Variants in MAP7D2 observed in about 807,000 individuals in gnomAD.
The protein encoded by MAP7D2 is MAP7 domain containing 2, also known as MAP7 domain-containing protein 2.
Under a neutral mutation model 63.5 loss-of-function variants are expected in MAP7D2, and 33 were observed. The ratio of observed to expected loss-of-function variants is 0.52; its 90% confidence interval spans 0.39 to 0.70. The LOEUF (loss-of-function observed/expected upper bound fraction) is 0.70. Ranked by LOEUF, MAP7D2 falls within the 30% of genes least tolerant of loss-of-function variation. The pLI, the probability that MAP7D2 is intolerant of heterozygous loss-of-function variation, is 0.00. For synonymous variants in MAP7D2, 224 were observed against 223.7 expected, an observed-to-expected ratio of 1.00 and a Z score of -0.01; for missense variants, 626 against 604.0, an observed-to-expected ratio of 1.04 and a Z score of -0.38.
At chrX:20,038,096 A>G (rs1314201326) in intron 8 of MAP7D2, among the ~76,000 whole-genome samples, 1 of 111,759 alleles carries the variant, frequency 8.9e-6, no homozygotes, top group African/African-American at 3.3e-5. Context: ...CTCGATATGC[A>G]CCATTCCTCA....
At chrX:20,100,269 C>G (rs2066393769) in intron 1 of MAP7D2, among the ~76,000 whole-genome samples, 1 of 111,879 alleles carries the variant, frequency 8.9e-6, no homozygotes, top group Admixed American at 9.6e-5. Context: ...GGGGTGGCAG[C>G]CTTGGACTTG....
chrX:20,033,618 A>G (rs1018191948), intron 8 of MAP7D2, among the ~76,000 whole-genome samples: 1 of 112,563 alleles, frequency 8.9e-6, no homozygotes, highest in African/African-American at 3.2e-5. Flanking sequence ...ATCTGACATC[A>G]GGCAGGAGAA....
Position 20,025,674 on chromosome X carries a change from C to T in MAP7D2, c.1279+7G>A. 1 of 1,210,851 alleles carries T rather than the reference C, an allele frequency of 8.3e-7. No homozygotes were observed. Among genetic ancestry groups the T allele is most frequent in the Non-Finnish European group, 1.1e-6 (1 of 894,865 alleles). On this transcript the variant is annotated splice_region_variant and intron_variant, in intron 9 of 16. Coordinates refer to ENST00000379643, the MANE Select transcript of MAP7D2 (RefSeq NM_001168465.2). The stretch of plus-strand genomic sequence containing the variant: ...TGGGAAAGCCAAGGCACGGTGGCAG[C>T]ATCTACCTGCGCTGTTTTCGGCTTT...
chrX:20,058,899 G>C (rs772295261), intron 3 of MAP7D2, among the ~76,000 whole-genome samples: 4 of 112,051 alleles, frequency 3.6e-5, no homozygotes, highest in Non-Finnish European at 5.6e-5. Context: ...GTATTGCCTC[G>C]TGTTTGTGTG....
At chrX:20,019,395 C>T (rs1263815187) in intron 10 of MAP7D2, among the ~76,000 whole-genome samples, 2 of 111,368 alleles carry the variant, frequency 1.8e-5, no homozygotes, top group East Asian at 5.6e-4. Flanking sequence ...TCCCTTTCCT[C>T]ACTATGTACA....
intron 1 of MAP7D2, among the ~76,000 whole-genome samples, chrX:20,115,954 C>T (rs1343991353): frequency 8.9e-6 from 1 of 112,922 alleles, no homozygotes; most frequent in Non-Finnish European, 1.9e-5. Context: ...CCCCGCACTA[C>T]CTGCAACCAC....
At chrX:20,036,634 G>A (rs1256841111) in intron 8 of MAP7D2, among the ~76,000 whole-genome samples, 2 of 105,597 alleles carry the variant, frequency 1.9e-5, no homozygotes, top group Non-Finnish European at 3.9e-5. Context: ...GGCCAGGCGC[G>A]GTGGCTCATG....
chrX:20,094,520 A>ATATATG (rs2066175612), intron 1 of MAP7D2, among the ~76,000 whole-genome samples: 1 of 10,073 alleles, frequency 9.9e-5, no homozygotes, highest in Admixed American at 1.7e-3. Flanking sequence ...ATATATGTAT[A>ATATATG]TATATATATA....
chrX:20,018,440 CTTTTTT>C (rs757792186), intron 10 of MAP7D2, among the ~76,000 whole-genome samples: 2 of 77,419 alleles, frequency 2.6e-5, no homozygotes, highest in African/African-American at 6.5e-5. Flanking sequence ...AAATCTTGTC[CTTTTTT>C]TTTTTTTTTT....
chrX:20,041,941 G>A (rs1305137019), intron 8 of MAP7D2, among the ~76,000 whole-genome samples: 2 of 111,189 alleles, frequency 1.8e-5, no homozygotes, highest in Admixed American at 9.6e-5. Context: ...TGAGGCGGGG[G>A]GATCACTTGA....
At chrX:20,054,016 G>A (rs989629867) in intron 4 of MAP7D2, among the ~76,000 whole-genome samples, 8 of 111,301 alleles carry the variant, frequency 7.2e-5, no homozygotes, top group African/African-American at 2.6e-4. Flanking sequence ...GCTAATTTTT[G>A]TATTTTTAGT....
intron 1 of MAP7D2, among the ~76,000 whole-genome samples, chrX:20,107,665 G>C (rs764516766): frequency 9.0e-6 from 1 of 110,839 alleles, no homozygotes; most frequent in East Asian, 2.8e-4. Context: ...TAATTTCACC[G>C]TTTCTTTTTC....
chrX:20,019,117 C>T (rs2073539222), intron 10 of MAP7D2, among the ~76,000 whole-genome samples: 1 of 110,561 alleles, frequency 9.0e-6, no homozygotes, highest in African/African-American at 3.3e-5. Flanking sequence ...GCCCCAACCT[C>T]TCAGGCTCAA....
intron 5 of MAP7D2, 122 bp from the exon 6 acceptor site, chrX:20,051,068 A>G: frequency 1.7e-6 from 1 of 583,668 alleles, no homozygotes; most frequent in Middle Eastern, 4.4e-4. Flanking sequence ...TGGAAAATAA[A>G]AATATTTGAA....
chrX:20,043,470 G>C (rs1040116433), intron 7 of MAP7D2, among the ~76,000 whole-genome samples: 4 of 111,416 alleles, frequency 3.6e-5, no homozygotes, highest in African/African-American at 1.3e-4. Flanking sequence ...GGCATCATTT[G>C]GATACTCAAG....
In MAP7D2 at chrX:20,025,006, G is replaced by C; in HGVS notation, c.1357C>G (p.Arg453Gly). ...TGCTCCTCCTGTTCCTTCTGCAGCC[G>C]GGCCTGTCTTCTCTTTTCAGCCAAG... ...KILAEKRRQA[R>G]LQKEQEEQER... Residue 453 changes from arginine to glycine, a missense_variant, in exon 10 of 17, where the codon CGG (arginine) becomes GGG (glycine). By Grantham distance (125) the Arg-to-Gly change is moderately radical. Coordinates refer to ENST00000379643, the MANE Select transcript of MAP7D2 (RefSeq NM_001168465.2). 2 of 1,211,296 alleles carry C rather than the reference G, an allele frequency of 1.7e-6. No individual in the cohort carries two copies. The highest frequency in any genetic ancestry group is 2.2e-6 in the Non-Finnish European group (2 of 895,265).
At chrX:20,038,301 A>G (rs2064553160) in intron 8 of MAP7D2, among the ~76,000 whole-genome samples, 1 of 112,044 alleles carries the variant, frequency 8.9e-6, no homozygotes, top group Admixed American at 9.5e-5. Flanking sequence ...GGTATTCCAC[A>G]TAGCATTGCC....
At chrX:20,046,138 C>CA (rs1289047327) in intron 6 of MAP7D2, among the ~76,000 whole-genome samples, 32 of 111,999 alleles carry the variant, frequency 2.9e-4, no homozygotes, top group African/African-American at 1.0e-3. Context: ...AAAAGACAGG[C>CA]AATTTCTAGG....
At chrX:20,055,335 A>G (rs1017023298) in intron 4 of MAP7D2, among the ~76,000 whole-genome samples, 6 of 112,125 alleles carry the variant, frequency 5.4e-5, no homozygotes, top group African/African-American at 1.9e-4. Flanking sequence ...CTTTAACACT[A>G]AGCCCAAGTT....
Sources: gnomAD v4.1 joint callset for allele counts (sites outside exome capture counted in the v4.1 genomes callset) on GRCh38, gnomAD v4.1.1 for gene constraint, MANE v1.5 for transcripts, NCBI Gene and HGNC (gene_info 2026-07-23, HGNC 2026-07-21) for gene names.